Variants in VPS13B observed in about 807,000 individuals in gnomAD.
VPS13B encodes intermembrane lipid transfer protein VPS13B.
In VPS13B, 285 loss-of-function variants were observed where a neutral mutation model predicts 426.4. The observed-to-expected ratio is 0.67, with a 90% CI of 0.61 to 0.74. The LOEUF (loss-of-function observed/expected upper bound fraction) is 0.74. Ranked by LOEUF, VPS13B falls within the 30% of genes least tolerant of loss-of-function variation. The probability of loss-of-function intolerance (pLI) is 0.00; values close to 1 mark genes in which losing one functional copy is unlikely to be tolerated. For missense variants in VPS13B, 4,537 were observed against 4,782.6 expected (o/e 0.95, Z 1.51); for synonymous variants, 1,676 against 1,676.4 (o/e 1.00, Z 0.01).
At position 99,508,043 on chromosome 8, in the gene VPS13B, A is replaced by G. The variant is rs1821591795; in HGVS notation, c.4224+840A>G. ...TCATAAACTTTATAAATGAAGTATA[A>G]TGTAATTTAAAATCATAAAACTGCT... is the stretch of plus-strand genomic sequence containing the variant. On this transcript the variant is annotated intron_variant, in intron 28 of 61. Coordinates refer to ENST00000357162, the MANE Select transcript of VPS13B (RefSeq NM_152564.5). The G allele has an allele frequency of 2.8e-6, 4 of 1,411,656 alleles. 1 individual carries two copies. The highest frequency in any genetic ancestry group is 2.9e-6 in the Non-Finnish European group (3 of 1,026,502). 87.4% of individuals were successfully genotyped at this position (1,411,656 alleles called of 1,614,324 possible).
chr8:99,860,048 A>G (rs1286731432), intron 57 of VPS13B, among the ~76,000 whole-genome samples: 1 of 152,144 alleles, frequency 6.6e-6, no homozygotes, highest in Admixed American at 6.5e-5. Context: ...TGTGTGCTTG[A>G]TGTTATTTTG....
chr8:99,051,748 C>G (rs189438111), intron 3 of VPS13B, among the ~76,000 whole-genome samples: 1 of 152,310 alleles, frequency 6.6e-6, no homozygotes, highest in East Asian at 1.9e-4. Context: ...TCCTTCACAT[C>G]CCTTGTAAGT....
At chr8:99,577,338 T>C in intron 32 of VPS13B, 152 bp from the exon 33 acceptor site, 1 of 927,182 alleles carries the variant, frequency 1.1e-6, no homozygotes, top group East Asian at 2.6e-5. Context: ...GTCAAGTGGC[T>C]GTGCTCACCA....
intron 14 of VPS13B, among the ~76,000 whole-genome samples, chr8:99,151,547 T>A (rs1338963544): frequency 6.6e-6 from 1 of 152,126 alleles, no homozygotes; most frequent in Non-Finnish European, 1.5e-5. Context: ...TTTGTTTTTT[T>A]TTTGAGATGG....
At chr8:99,534,323 A>T (rs1261604762) in intron 30 of VPS13B, among the ~76,000 whole-genome samples, 1 of 152,160 alleles carries the variant, frequency 6.6e-6, no homozygotes, top group Non-Finnish European at 1.5e-5. Context: ...GAAAATGACG[A>T]TAAGTTCTAC....
Position 99,102,991 on chromosome 8 carries a change from G to T in VPS13B, c.451G>T (p.Val151Leu), listed in dbSNP as rs772244398. ...TCTGATTAGACGAGTTGTAAATAAT[G>T]TAAACATTGTGATAAATAATCTCAT... Reference protein sequence around the residue: ...QSLIRRVVNNVNIVINNLILK... With the variant: ...QSLIRRVVNNLNIVINNLILK... The change falls in exon 5 of 62, where the codon GTA becomes TTA. Residue 151 changes from valine to leucine, a missense_variant. Coordinates refer to ENST00000357162, the MANE Select transcript of VPS13B (RefSeq NM_152564.5). The T allele has an allele frequency of 1.2e-6, 2 of 1,612,162 alleles. No homozygotes were observed. Among genetic ancestry groups the T allele is most frequent in the South Asian group, 2.2e-5 (2 of 91,040 alleles).
chr8:99,875,493 C>T lies in VPS13B; in HGVS notation c.11821C>T (p.His3941Tyr). 1 of 1,614,204 alleles carries T rather than the reference C, an allele frequency of 6.2e-7. No homozygotes were observed. The highest frequency in any genetic ancestry group is 8.5e-7 in the Non-Finnish European group (1 of 1,180,020). The change falls in exon 62 of 62, where the codon CAC becomes TAC. Residue 3941 changes from histidine to tyrosine, a missense_variant. Physicochemically the swap from His to Tyr is moderately conservative, Grantham distance 83. Transcript: ENST00000357162. Reference sequence around the variant, plus strand: ...GGACTACATCACAAAGACATCTTGTCACCTGGCCCCCAGCTGTTCTTCCAT... The same window carrying T: ...GGACTACATCACAAAGACATCTTGTTACCTGGCCCCCAGCTGTTCTTCCAT... ...LVDYITKTSC[H>Y]LAPSCSSMQI...
chr8:99,844,386 G>A (rs1356896702), intron 54 of VPS13B, among the ~76,000 whole-genome samples: 2 of 144,084 alleles, frequency 1.4e-5, no homozygotes, highest in South Asian at 4.4e-4. Flanking sequence ...TTTTTGAGAC[G>A]GAGTTTCACT....
At chr8:99,320,063 T>C (rs1419907607) in intron 19 of VPS13B, among the ~76,000 whole-genome samples, 2 of 152,182 alleles carry the variant, frequency 1.3e-5, no homozygotes, top group South Asian at 4.1e-4. Flanking sequence ...ATAGGCACCA[T>C]GTCTATCATC....
intron 39 of VPS13B, among the ~76,000 whole-genome samples, chr8:99,725,447 T>C (rs1403749061): frequency 6.6e-6 from 1 of 152,130 alleles, no homozygotes; most frequent in Non-Finnish European, 1.5e-5. Flanking sequence ...GGGATCTAGG[T>C]TGTGGACTCT....
intron 17 of VPS13B, among the ~76,000 whole-genome samples, chr8:99,234,697 A>G (rs988899530): frequency 1.3e-5 from 2 of 152,252 alleles, no homozygotes; most frequent in Non-Finnish European, 2.9e-5. Flanking sequence ...ATAAGACATT[A>G]ATGGAGGTTG....
intron 61 of VPS13B, among the ~76,000 whole-genome samples, chr8:99,874,470 T>C (rs1817592043): frequency 6.6e-6 from 1 of 152,196 alleles, no homozygotes; most frequent in Admixed American, 6.5e-5. Context: ...GACACTTTGA[T>C]AGCATTGTTA....
intron 19 of VPS13B, among the ~76,000 whole-genome samples, chr8:99,301,435 A>C (rs1272778139): frequency 6.6e-6 from 1 of 151,906 alleles, no homozygotes; most frequent in Non-Finnish European, 1.5e-5. Context: ...CTGGGATTAC[A>C]GGCATGCACC....
Position 99,740,112 on chromosome 8 carries a change from G to T in VPS13B, c.7050+19065G>T, listed in dbSNP as rs534558431. 3.3e-5 allele frequency among the ~76,000 whole-genome samples: 5 copies of T among 152,254 alleles called. No homozygotes were observed. The East Asian group carries it at 9.7e-4, about 29-fold the overall frequency. ...CGAATGGCTAACTAGAATAACCAAT[G>T]CAGAGAAGTCCTTAAAGGACCTGAC... On this transcript the variant is annotated intron_variant, in intron 39 of 61. Transcript: ENST00000357162.
At chr8:99,028,748 G>A (rs573289816) in intron 2 of VPS13B, among the ~76,000 whole-genome samples, 50 of 145,238 alleles carry the variant, frequency 3.4e-4, no homozygotes, top group African/African-American at 1.3e-3. Flanking sequence ...CCTGGACGGG[G>A]CAACTGGCCG....
intron 54 of VPS13B, among the ~76,000 whole-genome samples, chr8:99,840,407 G>A (rs1422366943): frequency 6.6e-6 from 1 of 152,178 alleles, no homozygotes; most frequent in Non-Finnish European, 1.5e-5. Context: ...TTAAAAAATT[G>A]TGATGCTGTC....
intron 35 of VPS13B, among the ~76,000 whole-genome samples, chr8:99,677,758 A>G (rs1831001733): frequency 1.3e-5 from 2 of 152,162 alleles, no homozygotes; most frequent in African/African-American, 2.4e-5. Context: ...TTATTTCTTC[A>G]TCTAGCCTAA....
chr8:99,618,404 G>GA (rs1828203480), intron 33 of VPS13B, among the ~76,000 whole-genome samples: 1 of 151,962 alleles, frequency 6.6e-6, no homozygotes, highest in South Asian at 2.1e-4. Flanking sequence ...GCCTGAACTA[G>GA]AACCTAGGTC....
At chr8:99,233,070 G>A (rs1816433781) in intron 17 of VPS13B, 2 of 1,316,958 alleles carry the variant, frequency 1.5e-6, no homozygotes, top group African/African-American at 1.5e-5. Context: ...GCTGTGAGGC[G>A]ACTCCCTGAG....
Sources: gnomAD v4.1 joint callset for allele counts (sites outside exome capture counted in the v4.1 genomes callset) on GRCh38, gnomAD v4.1.1 for gene constraint, MANE v1.5 for transcripts, NCBI Gene and HGNC (gene_info 2026-07-23, HGNC 2026-07-21) for gene names.